Variants in HAUS4 observed in about 807,000 individuals in gnomAD.
HAUS4 encodes HAUS augmin like complex subunit 4.
A neutral mutation model predicts 50.6 loss-of-function variants in HAUS4; 34 were observed. That is an observed-to-expected ratio of 0.67 (90% CI 0.51 to 0.90). HAUS4 has a LOEUF of 0.90. HAUS4 is among the 40% of genes least tolerant of loss of function. HAUS4 has a pLI of 0.00. For synonymous variants in HAUS4, 149 were observed against 161.4 expected, an observed-to-expected ratio of 0.92 and a Z score of 0.58; for missense variants, 370 against 428.7, an observed-to-expected ratio of 0.86 and a Z score of 1.21.
At chr14:22,947,426 A>G in intron 8 of HAUS4, 175 bp downstream of exon 8, 1 of 758,720 alleles carries the variant, frequency 1.3e-6, no homozygotes, top group Non-Finnish European at 2.2e-6. Flanking sequence ...TGTAAAAGAA[A>G]AGTCTCAAGG....
chr14:22,951,937 T>C (rs1348282720), intron 4 of HAUS4, among the ~76,000 whole-genome samples: 1 of 152,200 alleles, frequency 6.6e-6, no homozygotes, highest in East Asian at 1.9e-4. Flanking sequence ...AAGCTCCTAC[T>C]TCCCCTAGAT....
intron 6 of HAUS4, 90 bp downstream of exon 6, chr14:22,950,224 C>A: frequency 1.5e-6 from 1 of 656,632 alleles, no homozygotes; most frequent in Non-Finnish European, 2.7e-6. Context: ...ACCTCTGTCC[C>A]AAATCTAAAA....
chr14:22,950,441 G>A (rs373645748), intron 5 of HAUS4, 31 bp from the exon 6 acceptor site: 21 of 1,364,378 alleles, frequency 1.5e-5, no homozygotes, highest in Middle Eastern at 1.8e-4. Flanking sequence ...GCAGAAATGC[G>A]AATAGACTGT....
intron 5 of HAUS4, among the ~76,000 whole-genome samples, chr14:22,951,136 G>T (rs1460490697): frequency 6.6e-6 from 1 of 151,678 alleles, no homozygotes; most frequent in Non-Finnish European, 1.5e-5. Flanking sequence ...GAGTAGCTGG[G>T]ACTACAGGTG....
In HAUS4 at chr14:22,946,512, GC is replaced by G; in HGVS notation, c.*12del. Reference sequence around the variant, plus strand: ...AGCTATGCAGAAGCCATGTCTCCTGGCCCTGCCAGAGCTCAACGGTAGACCT... The same window carrying G: ...AGCTATGCAGAAGCCATGTCTCCTGGCCTGCCAGAGCTCAACGGTAGACCT... On this transcript the variant is annotated 3_prime_UTR_variant, in exon 10 of 10. Coordinates refer to ENST00000541587, the MANE Select transcript of HAUS4 (RefSeq NM_001166269.2). 1 of 1,606,550 alleles carries G rather than the reference GC, an allele frequency of 6.2e-7. No homozygotes were observed. The highest frequency in any genetic ancestry group is 8.5e-7 in the Non-Finnish European group (1 of 1,175,294).
At position 22,949,086 on chromosome 14, in the gene HAUS4, G is replaced by A. The variant is rs572433594; in HGVS notation, c.563-1073C>T. On this transcript the variant is annotated intron_variant, in intron 6 of 9. Transcript: ENST00000541587. The stretch of plus-strand genomic sequence containing the variant: ...GCAGGAGAATTGCTTGAACCTCGGA[G>A]GCGAAGGTTGCAGTGAGCTGAGATC... 2.6e-5 allele frequency among the ~76,000 whole-genome samples: 4 copies of A among 151,088 alleles called. No homozygotes were observed. The East Asian group carries it at 7.9e-4, about 30-fold the overall frequency.
rs777419704 is a variant in HAUS4 at position 22,946,677 on chromosome 14, C to T, written c.940G>A (p.Glu314Lys). 192 of 1,613,042 alleles carry T rather than the reference C, an allele frequency of 1.2e-4. No homozygotes were observed. The highest frequency in any genetic ancestry group is 1.4e-4 in the Non-Finnish European group (166 of 1,179,478). Residue 314 changes from glutamate to lysine, a missense_variant, in exon 10 of 10, where the codon GAG becomes AAG. Transcript: ENST00000541587. ...DRLEGAIHLQ[E>K]QDMENSRQVL... is the part of the protein sequence containing the mutation. ...TGTCTTGAGTTCTCCATGTCCTGCT[C>T]CTGTAGGTGAATGGCTCCCTCCAAA... is the stretch of plus-strand genomic sequence containing the variant.
chr14:22,952,348 C>A lies in HAUS4; in HGVS notation c.310G>T (p.Val104Leu), dbSNP rs953687900. 3.0e-5 allele frequency: 48 copies of A among 1,613,890 alleles called. No homozygotes were observed. The highest frequency in any genetic ancestry group is 3.8e-5 in the Non-Finnish European group (45 of 1,179,968). ...CTCACCTTTTTGTCCTCAGAAGTTA[C>A]ATTTGTGTCTTGTATCTTCACATAG... ...DYYVKIQDTNVTSEDKKFHET... is the reference protein window; with the variant it reads ...DYYVKIQDTNLTSEDKKFHET... Residue 104 changes from valine (V) to leucine (L), a missense_variant, in exon 4 of 10, where the codon GTA becomes TTA. Val to Leu is a conservative substitution (Grantham distance 32). Coordinates refer to ENST00000541587, the MANE Select transcript of HAUS4 (RefSeq NM_001166269.2).
intron 4 of HAUS4, among the ~76,000 whole-genome samples, chr14:22,951,968 C>G (rs572511320): frequency 7.1e-4 from 107 of 150,744 alleles, no homozygotes; most frequent in African/African-American, 2.6e-3. Flanking sequence ...GACAAAGCCA[C>G]AGTTGGCCTG....
chr14:22,952,897 A>G lies in HAUS4; in HGVS notation c.56-214T>C, dbSNP rs575271910. Among the ~76,000 whole-genome samples the G allele has an allele frequency of 9.9e-4, 151 of 152,314 alleles. 1 individual carries two copies. Among genetic ancestry groups the G allele is most frequent in the African/African-American group, 3.4e-3 (142 of 41,570 alleles). On this transcript the variant is annotated intron_variant, in intron 2 of 9. Transcript: ENST00000541587. ...ATTATATACAAGGATATTAAGGGGG[A>G]ATAAGTAATAAACTAAGATCTTAGG...
intron 2 of HAUS4, among the ~76,000 whole-genome samples, chr14:22,953,059 A>T (rs1285522543): frequency 6.6e-6 from 1 of 152,238 alleles, no homozygotes; most frequent in African/African-American, 2.4e-5. Context: ...GAAACACAAC[A>T]CGTGAAGTTC....
rs1308237660 is a variant in HAUS4 at position 22,946,246 on chromosome 14, C to T, written c.*279G>A. On this transcript the variant is annotated 3_prime_UTR_variant, in exon 10 of 10. Coordinates refer to ENST00000541587, the MANE Select transcript of HAUS4 (RefSeq NM_001166269.2). Reference sequence around the variant, plus strand: ...AAAATCCTAAGATATAATATCATAACTTTATTCAGGAGATAATCAAATACA... The same window carrying T: ...AAAATCCTAAGATATAATATCATAATTTTATTCAGGAGATAATCAAATACA... The T allele has an allele frequency of 3.7e-6, 1 of 269,904 alleles. No individual in the cohort carries two copies. The highest frequency in any genetic ancestry group is 2.2e-5 in the African/African-American group (1 of 45,632). 16.7% of individuals were successfully genotyped at this position (269,904 alleles called of 1,614,324 possible). A position where few individuals can be genotyped will look rare whatever the true frequency, so the allele number is the denominator to read the frequency against.
chr14:22,948,622 A>AC (rs1373624649), intron 6 of HAUS4, among the ~76,000 whole-genome samples: 1 of 148,296 alleles, frequency 6.7e-6, no homozygotes, highest in Non-Finnish European at 1.5e-5. Context: ...TGCAACCTCC[A>AC]CCTCCCAGGT....
chr14:22,953,414 G>T (rs921675270), intron 2 of HAUS4, among the ~76,000 whole-genome samples: 3 of 151,960 alleles, frequency 2.0e-5, no homozygotes, highest in Non-Finnish European at 4.4e-5. Context: ...TGGGATTACA[G>T]GTGTGAGTCA....
rs2044770581 is a variant in HAUS4, at chr14:22,952,378, C to A, written c.280G>T (p.Asp94Tyr). Residue 94 changes from aspartate to tyrosine, a missense_variant, in exon 4 of 10, where the codon GAC becomes TAC. By Grantham distance (160) the Asp-to-Tyr change is radical. Transcript: ENST00000541587. ...LHRVIQELLVDYYVKIQDTNV... is the reference protein window; with the variant it reads ...LHRVIQELLVYYYVKIQDTNV... ...GTGTCTTGTATCTTCACATAGTAGT[C>A]CACAAGCAACTCTTGAATGACTCTG... 1 of 1,613,910 alleles carries A rather than the reference C, an allele frequency of 6.2e-7. No individual in the cohort carries two copies. Among genetic ancestry groups the A allele is most frequent in the Non-Finnish European group, 8.5e-7 (1 of 1,179,936 alleles).
rs1320867432 is a variant in HAUS4 at position 22,950,331 on chromosome 14, TAGCAG to T, written c.540_544del (p.Cys181LeufsTer2). 3.1e-6 allele frequency: 5 copies of T among 1,605,488 alleles called. No individual in the cohort carries two copies. In the African/African-American group the frequency reaches 5.4e-5, roughly 17 times the overall value. ...GCACTCACCTGAATTGGGATCATAG[TAGCAG>T]AGCAGAGTGAAACATTTCTTTTTGA... On this transcript the variant is annotated frameshift_variant, in exon 6 of 10. Transcript: ENST00000541587. LOFTEE classifies it high-confidence loss of function.
At position 22,946,576 on chromosome 14, in the gene HAUS4, T is replaced by C; in HGVS notation, c.1041A>G (p.Ala347=). 1 of 1,614,086 alleles carries C rather than the reference T, an allele frequency of 6.2e-7. No individual in the cohort carries two copies. The highest frequency in any genetic ancestry group is 1.1e-5 in the South Asian group (1 of 91,072). Residue 347 remains alanine (A), a synonymous_variant, in exon 10 of 10, where the codon GCA becomes GCG. Transcript: ENST00000541587. Reference sequence around the variant, plus strand: ...GGAGGGCCCACCGCTTGTTCTCTGTTGCCTGCTTGAGTACGGTGTACTCTT... The same window carrying C: ...GGAGGGCCCACCGCTTGTTCTCTGTCGCCTGCTTGAGTACGGTGTACTCTT... ...LVKEYTVLKQ[A]TENKRWALQE...
At chr14:22,946,767 A>C in intron 9 of HAUS4, 59 bp from the exon 10 acceptor site, 1 of 1,222,770 alleles carries the variant, frequency 8.2e-7, no homozygotes, top group Non-Finnish European at 1.1e-6. Flanking sequence ...AAAGTAGTGG[A>C]CAAAAATGAA....
chr14:22,955,167 G>C lies in HAUS4; in HGVS notation c.-13C>G. 6.2e-7 allele frequency: 1 copy of C among 1,602,128 alleles called. No homozygotes were observed. Among genetic ancestry groups the C allele is most frequent in the Non-Finnish European group, 8.6e-7 (1 of 1,169,204 alleles). ...CCCCGGATGCCATTTGATTTTCTTG[G>C]GATTCTAATCTGTGGAACCAAGAAG... On this transcript the variant is annotated 5_prime_UTR_variant, in exon 2 of 10. Coordinates refer to ENST00000541587, the MANE Select transcript of HAUS4 (RefSeq NM_001166269.2).
Sources: allele counts gnomAD v4.1 joint callset (sites outside exome capture counted in the v4.1 genomes callset), GRCh38; gene constraint gnomAD v4.1.1; transcripts MANE v1.5; gene names NCBI Gene and HGNC (gene_info 2026-07-23, HGNC 2026-07-21).